Variants in RARB observed in about 807,000 individuals in gnomAD.
RARB encodes retinoic acid receptor beta.
A neutral mutation model predicts 51.9 loss-of-function variants in RARB; 17 were observed. The observed-to-expected ratio is 0.33, with a 90% CI of 0.22 to 0.49. RARB has a LOEUF of 0.49. RARB is among the 20% of genes least tolerant of loss of function. The pLI is 0.99. For synonymous variants in RARB, 215 were observed against 195.4 expected (o/e 1.10, Z -0.84); for missense variants, 369 against 550.8 (o/e 0.67, Z 3.30).
rs533391713 is a variant in RARB, at chr3:25,094,508, G to C, written c.-328+34332G>C. ...AAGGTGGGTGGATCACTTGAGTTTA[G>C]AAACTTGAGAACAGCTTGGGCAACT... On this transcript the variant is annotated intron_variant, in intron 3 of 11. Transcript: ENST00000383772. Among the ~76,000 whole-genome samples the C allele has an allele frequency of 1.9e-3, 296 of 152,064 alleles. 1 individual carries two copies. Among genetic ancestry groups the C allele is most frequent in the African/African-American group, 6.9e-3 (288 of 41,498 alleles).
chr3:25,587,023 C>A (rs1701420224), intron 5 of RARB, among the ~76,000 whole-genome samples: 1 of 152,246 alleles, frequency 6.6e-6, no homozygotes, highest in South Asian at 2.1e-4. Flanking sequence ...AGTCCAACTC[C>A]CTGGATTCAA....
intron 4 of RARB, among the ~76,000 whole-genome samples, chr3:25,161,904 G>C (rs1700479027): frequency 1.3e-5 from 2 of 152,126 alleles, no homozygotes. Flanking sequence ...GCCTTCCAGG[G>C]AAAGAGGCTG....
intron 5 of RARB, among the ~76,000 whole-genome samples, chr3:25,294,954 T>G (rs73154972): frequency 0.26 from 39,953 of 152,078 alleles, 6,489 homozygotes; most frequent in African/African-American, 0.46. Context: ...AGTTAGCCCT[T>G]TACTATGTGA....
At chr3:24,939,782 A>G (rs1006442495) in intron 2 of RARB, among the ~76,000 whole-genome samples, 5 of 152,208 alleles carry the variant, frequency 3.3e-5, no homozygotes, top group Admixed American at 6.5e-5. Context: ...ACTGGAAGTT[A>G]ATTTGTTAGC....
chr3:25,257,910 A>G (rs1435530353), intron 5 of RARB, among the ~76,000 whole-genome samples: 1 of 152,116 alleles, frequency 6.6e-6, no homozygotes, highest in Non-Finnish European at 1.5e-5. Flanking sequence ...TCATGTGTCT[A>G]CTCATGAAGT....
intron 2 of RARB, among the ~76,000 whole-genome samples, chr3:25,493,198 T>C (rs1015518913): frequency 5.9e-5 from 9 of 152,086 alleles, no homozygotes; most frequent in Admixed American, 4.6e-4. Context: ...AATAATAGGG[T>C]GTTTTTCTAC....
chr3:25,165,484 T>A (rs321518), intron 4 of RARB, among the ~76,000 whole-genome samples: 147,050 of 152,222 alleles, frequency 0.97, 71,057 homozygotes, highest in African/African-American at 0.99. Context: ...AAGCTCTCTC[T>A]CAGGCATCTG....
rs1446387021 is a variant in RARB at position 25,548,656 on chromosome 3, A to AAC, written c.449-21101_449-21100insCA. 2.0e-5 allele frequency among the ~76,000 whole-genome samples: 3 copies of AAC among 151,940 alleles called. No homozygotes were observed. The East Asian group carries it at 5.8e-4, about 29-fold the overall frequency. ...ACCTCCCCCGACAAAAAAAAAAAAA[A>AAC]AAAAAACCTTTTGAGAGGCAGCAAG... On this transcript the variant is annotated intron_variant, in intron 3 of 7. Coordinates refer to ENST00000330688, the MANE Select transcript of RARB (RefSeq NM_000965.5).
intron 2 of RARB, among the ~76,000 whole-genome samples, chr3:25,464,949 A>G (rs185421698): frequency 0.013 from 1,976 of 152,286 alleles, 26 homozygotes; most frequent in South Asian, 0.028. Flanking sequence ...CGGTTATGTC[A>G]TAATTTATTT....
At chr3:25,550,979 G>A (rs1220475653) in intron 3 of RARB, among the ~76,000 whole-genome samples, 1 of 152,102 alleles carries the variant, frequency 6.6e-6, no homozygotes, top group Non-Finnish European at 1.5e-5. Flanking sequence ...TTTCTTTAGG[G>A]GATTAAGTTT....
At chr3:24,922,533 A>C (rs981298129) in intron 2 of RARB, among the ~76,000 whole-genome samples, 2 of 152,156 alleles carry the variant, frequency 1.3e-5, no homozygotes, top group African/African-American at 4.8e-5. Flanking sequence ...AGTTTGACAG[A>C]AGTTAAGTAT....
chr3:25,218,962 A>G (rs1561115), intron 5 of RARB, among the ~76,000 whole-genome samples: 17,568 of 152,104 alleles, frequency 0.12, 1,146 homozygotes, highest in South Asian at 0.26. Flanking sequence ...GGTGAGATGG[A>G]TCTTGGCCTT....
At chr3:25,193,281 TC>T (rs1194536607) in intron 5 of RARB, among the ~76,000 whole-genome samples, 1 of 152,032 alleles carries the variant, frequency 6.6e-6, no homozygotes, top group East Asian at 1.9e-4. Context: ...AAAATTGTAT[TC>T]TCATAGAACA....
At chr3:25,036,740 G>A (rs1223799928) in intron 2 of RARB, among the ~76,000 whole-genome samples, 1 of 152,116 alleles carries the variant, frequency 6.6e-6, no homozygotes. Context: ...GGTCTGGTTA[G>A]GATGTCGAAA....
At chr3:24,831,345 G>T (rs1025885284) in intron 1 of RARB, among the ~76,000 whole-genome samples, 2 of 152,104 alleles carry the variant, frequency 1.3e-5, no homozygotes, top group African/African-American at 2.4e-5. Context: ...TCGTATTTAC[G>T]CCATTAACGA....
intron 5 of RARB, among the ~76,000 whole-genome samples, chr3:25,240,757 G>A (rs192082590): frequency 5.0e-4 from 76 of 152,114 alleles, no homozygotes; most frequent in Admixed American, 9.8e-4. Flanking sequence ...GGATTTTTGC[G>A]TCTGTGTCTA....
intron 5 of RARB, among the ~76,000 whole-genome samples, chr3:25,226,977 T>C (rs927766264): frequency 2.6e-5 from 4 of 152,236 alleles, no homozygotes; most frequent in South Asian, 2.1e-4. Context: ...TAATTGTTTA[T>C]TTAATTAGAT....
intron 2 of RARB, among the ~76,000 whole-genome samples, chr3:24,890,212 G>A (rs907132764): frequency 7.2e-5 from 11 of 152,294 alleles, no homozygotes; most frequent in African/African-American, 2.6e-4. Flanking sequence ...GGTGCTGTCT[G>A]TAGTGGTTCA....
At chr3:25,210,309 T>C (rs1294005973) in intron 5 of RARB, among the ~76,000 whole-genome samples, 2 of 152,032 alleles carry the variant, frequency 1.3e-5, no homozygotes, top group Admixed American at 1.3e-4. Context: ...GGCATATAAA[T>C]AAAATTTATA....
Sources: allele counts gnomAD v4.1 joint callset (sites outside exome capture counted in the v4.1 genomes callset), GRCh38; gene constraint gnomAD v4.1.1; transcripts MANE v1.5; gene names NCBI Gene and HGNC (gene_info 2026-07-23, HGNC 2026-07-21).